IL1RAPL2: variants seen among roughly 807,000 people sequenced by gnomAD.
IL1RAPL2 encodes the protein X-linked interleukin-1 receptor accessory protein-like 2.
A neutral mutation model predicts 44.1 loss-of-function variants in IL1RAPL2; 3 were observed. The ratio of observed to expected loss-of-function variants is 0.07; its 90% CI spans 0.03 to 0.18. IL1RAPL2 has a LOEUF of 0.18. Among genes scored for constraint, IL1RAPL2 ranks in the 10% least tolerant of loss-of-function variants. The pLI, the probability that IL1RAPL2 is intolerant of heterozygous loss-of-function variation, is 1.00. For synonymous variants in IL1RAPL2, 181 were observed against 178.8 expected (o/e 1.01, Z -0.10); for missense variants, 391 against 496.4 (o/e 0.79, Z 2.02).
In IL1RAPL2 at chrX:104,772,091, G is replaced by A. The variant is rs112210064; in HGVS notation, c.82+113096G>A. On this transcript the variant is annotated intron_variant, in intron 2 of 10. Coordinates refer to ENST00000372582, the MANE Select transcript of IL1RAPL2 (RefSeq NM_017416.2). ...CCTCAGTTTCCCATATATAATATAA[G>A]AGGGATGGGCTAAAATACAGTTTCA... is the stretch of plus-strand genomic sequence containing the variant. 2.9e-3 allele frequency among the ~76,000 whole-genome samples: 322 copies of A among 111,248 alleles called. 2 individuals carry two copies. Among genetic ancestry groups the A allele is most frequent in the African/African-American group, 1.0e-2 (306 of 30,635 alleles).
intron 3 of IL1RAPL2, among the ~76,000 whole-genome samples, chrX:105,223,149 C>CAA (rs72008975): frequency 1.6e-4 from 11 of 67,301 alleles, no homozygotes; most frequent in African/African-American, 5.7e-4. Context: ...GATTCAGTCT[C>CAA]AAAAAAAAAA....
chrX:104,764,527 C>A (rs1470137372), intron 2 of IL1RAPL2, among the ~76,000 whole-genome samples: 2 of 111,557 alleles, frequency 1.8e-5, no homozygotes, highest in Non-Finnish European at 3.8e-5. Flanking sequence ...TCTTCCTTTC[C>A]AATTTGGATG....
chrX:105,724,548 C>T lies in IL1RAPL2; in HGVS notation c.902+7052C>T, dbSNP rs372851489. ...CTAAGAGACTAAGCCACAAGGAAAT[C>T]TGAACCCAAATGTGGTAACCATTCA... On this transcript the variant is annotated intron_variant, in intron 7 of 10. Coordinates refer to ENST00000372582, the MANE Select transcript of IL1RAPL2 (RefSeq NM_017416.2). 4.5e-5 allele frequency among the ~76,000 whole-genome samples: 5 copies of T among 111,329 alleles called. No homozygotes were observed. The East Asian group carries it at 8.6e-4, about 19-fold the overall frequency.
intron 9 of IL1RAPL2, among the ~76,000 whole-genome samples, chrX:105,750,085 T>C (rs370528099): frequency 9.0e-6 from 1 of 111,286 alleles, no homozygotes; most frequent in Admixed American, 9.6e-5. Flanking sequence ...ACAGTTTTGA[T>C]TTTAATTTTA....
chrX:104,861,459 A>G (rs895906587), intron 2 of IL1RAPL2, among the ~76,000 whole-genome samples: 10 of 111,475 alleles, frequency 9.0e-5, no homozygotes, highest in Admixed American at 9.5e-5. Flanking sequence ...TGAGGGTTCA[A>G]ATTAGTATTT....
intron 2 of IL1RAPL2, among the ~76,000 whole-genome samples, chrX:104,687,483 C>T (rs1931010018): frequency 1.8e-5 from 2 of 111,387 alleles, no homozygotes; most frequent in Middle Eastern, 4.6e-3. Context: ...GGAATCTGCC[C>T]TCATGATCTA....
chrX:104,657,175 C>T (rs1232436709), intron 1 of IL1RAPL2, among the ~76,000 whole-genome samples: 1 of 111,189 alleles, frequency 9.0e-6, no homozygotes, highest in Non-Finnish European at 1.9e-5. Flanking sequence ...AGTCCATTTA[C>T]ATTTAAGGTT....
At chrX:105,216,395 A>G (rs2033858416) in intron 3 of IL1RAPL2, among the ~76,000 whole-genome samples, 1 of 108,764 alleles carries the variant, frequency 9.2e-6, no homozygotes, top group African/African-American at 3.4e-5. Flanking sequence ...TAGGAATACA[A>G]CTTACAAGGG....
chrX:105,655,037 A>G (rs113530982), intron 6 of IL1RAPL2, among the ~76,000 whole-genome samples: 1,658 of 112,224 alleles, frequency 0.015, 25 homozygotes, highest in African/African-American at 0.05. Flanking sequence ...ATGGTGGAAA[A>G]TCCTCTTGTG....
rs554470067 is a variant in IL1RAPL2 at position 105,610,291 on chromosome X, C to A, written c.773-107076C>A. ...CTTCAATCAGGGTATCTTTTAAAGC[C>A]ATTTTCTCTTTACAAAATTTGTAAA... On this transcript the variant is annotated intron_variant, in intron 6 of 10. Coordinates refer to ENST00000372582, the MANE Select transcript of IL1RAPL2 (RefSeq NM_017416.2). Among the ~76,000 whole-genome samples the A allele has an allele frequency of 1.5e-4, 17 of 111,602 alleles. No individual in the cohort carries two copies. The Admixed American group carries it at 1.6e-3, about 11-fold the overall frequency.
chrX:104,765,382 T>C (rs189951685), intron 2 of IL1RAPL2, among the ~76,000 whole-genome samples: 413 of 112,129 alleles, frequency 3.7e-3, no homozygotes, highest in African/African-American at 0.013. Context: ...GTCTGAATTT[T>C]AAAAGAAATA....
intron 5 of IL1RAPL2, among the ~76,000 whole-genome samples, chrX:105,422,299 A>T (rs1042663794): frequency 2.7e-5 from 3 of 111,649 alleles, no homozygotes; most frequent in Non-Finnish European, 3.8e-5. Context: ...GTCCTGTCAG[A>T]AAGTGACATT....
intron 3 of IL1RAPL2, among the ~76,000 whole-genome samples, chrX:105,216,091 T>C (rs1450997009): frequency 9.0e-6 from 1 of 111,131 alleles, no homozygotes; most frequent in African/African-American, 3.3e-5. Context: ...TTCAACACAG[T>C]GTTGGAAGTT....
At chrX:105,013,811 CTCTT>C (rs2031112308) in intron 2 of IL1RAPL2, among the ~76,000 whole-genome samples, 1 of 112,022 alleles carries the variant, frequency 8.9e-6, no homozygotes, top group Non-Finnish European at 1.9e-5. Context: ...CCACATTGAT[CTCTT>C]TCTTCTATTG....
chrX:104,850,612 A>G (rs909227230), intron 2 of IL1RAPL2, among the ~76,000 whole-genome samples: 3 of 111,819 alleles, frequency 2.7e-5, no homozygotes, highest in South Asian at 3.7e-4. Flanking sequence ...AGGCAAACCT[A>G]AGTTCACATT....
chrX:104,924,074 A>G (rs1176154744), intron 2 of IL1RAPL2, among the ~76,000 whole-genome samples: 1 of 110,927 alleles, frequency 9.0e-6, no homozygotes, highest in Admixed American at 9.6e-5. Flanking sequence ...AAGGGCATTA[A>G]ATAATGATAA....
intron 2 of IL1RAPL2, among the ~76,000 whole-genome samples, chrX:104,795,938 A>G (rs1022406450): frequency 8.9e-6 from 1 of 111,947 alleles, no homozygotes; most frequent in Non-Finnish European, 1.9e-5. Context: ...GACTAATGAA[A>G]AAGTCTACTC....
At chrX:105,642,830 G>A (rs998836889) in intron 6 of IL1RAPL2, among the ~76,000 whole-genome samples, 23 of 112,628 alleles carry the variant, frequency 2.0e-4, no homozygotes, top group African/African-American at 7.4e-4. Flanking sequence ...GCTGATTATA[G>A]CTGGAACCCA....
chrX:105,552,266 CTAATT>C (rs1308445134), intron 6 of IL1RAPL2, among the ~76,000 whole-genome samples: 1 of 111,907 alleles, frequency 8.9e-6, no homozygotes, highest in African/African-American at 3.2e-5. Flanking sequence ...TAGTTTCTCT[CTAATT>C]TAATGCTTAA....
Sources: gnomAD v4.1 joint callset for allele counts (sites outside exome capture counted in the v4.1 genomes callset) on GRCh38, gnomAD v4.1.1 for gene constraint, MANE v1.5 for transcripts, NCBI Gene and HGNC (gene_info 2026-07-23, HGNC 2026-07-21) for gene names.